MTMR3: variants seen among roughly 807,000 people sequenced by gnomAD.
MTMR3 encodes phosphatidylinositol-3,5-bisphosphate 3-phosphatase MTMR3.
In MTMR3, 32 loss-of-function variants were observed where a neutral mutation model predicts 132.4. That is an observed-to-expected ratio of 0.24 (90% CI 0.18 to 0.32). The LOEUF (loss-of-function observed/expected upper bound fraction) is 0.32, where lower values mean the gene tolerates loss of function less well. Ranked by LOEUF, MTMR3 falls within the 10% of genes least tolerant of loss-of-function variation. The pLI is 1.00. For missense variants in MTMR3, 1,216 were observed against 1,489.6 expected, an observed-to-expected ratio of 0.82 and a Z score of 3.02; for synonymous variants, 556 against 550.3, an observed-to-expected ratio of 1.01 and a Z score of -0.14.
chr22:29,915,373 C>T (rs552665897), intron 1 of MTMR3, among the ~76,000 whole-genome samples: 5 of 152,222 alleles, frequency 3.3e-5, no homozygotes, highest in African/African-American at 1.2e-4. Flanking sequence ...GTGATTAGCA[C>T]ATAGTTAGGT....
At chr22:29,972,639 C>T (rs1403034866) in intron 3 of MTMR3, among the ~76,000 whole-genome samples, 3 of 152,136 alleles carry the variant, frequency 2.0e-5, no homozygotes, top group African/African-American at 7.2e-5. Flanking sequence ...GGTGCGATCT[C>T]GGCTCACTGC....
At chr22:29,976,443 A>T (rs924997726) in intron 3 of MTMR3, among the ~76,000 whole-genome samples, 3 of 152,218 alleles carry the variant, frequency 2.0e-5, no homozygotes, top group African/African-American at 7.2e-5. Flanking sequence ...AAGCATTTGC[A>T]CAAGTGCTTT....
intron 1 of MTMR3, among the ~76,000 whole-genome samples, chr22:29,906,934 C>T (rs111490516): frequency 0.037 from 5,611 of 151,394 alleles, 364 homozygotes; most frequent in African/African-American, 0.13. Flanking sequence ...AAAAATTAGC[C>T]GGGCATGGTG....
chr22:29,912,741 C>T (rs1349012529), intron 1 of MTMR3, among the ~76,000 whole-genome samples: 1 of 152,152 alleles, frequency 6.6e-6, no homozygotes, highest in Non-Finnish European at 1.5e-5. Flanking sequence ...TGTGTAGGAG[C>T]TGCAGAGAAT....
At chr22:30,023,587 C>T in intron 19 of MTMR3, 1 of 1,434,908 alleles carries the variant, frequency 7.0e-7, no homozygotes, top group South Asian at 1.1e-5. Flanking sequence ...AGGGTGAAGC[C>T]TGGGGCCTTG....
chr22:29,896,660 TA>T (rs923991616), intron 1 of MTMR3, among the ~76,000 whole-genome samples: 26 of 149,948 alleles, frequency 1.7e-4, no homozygotes, highest in African/African-American at 5.9e-4. Context: ...TTCCATAGTC[TA>T]AAAAAAAAGC....
At chr22:29,998,230 A>G (rs1022789156) in intron 7 of MTMR3, 5 of 152,344 alleles carry the variant, frequency 3.3e-5, no homozygotes, top group African/African-American at 1.2e-4. Context: ...TAGATGAGAT[A>G]ACATAACTCT....
At position 30,025,728 on chromosome 22, in the gene MTMR3, A is replaced by C. The variant is rs778486820; in HGVS notation, c.3524A>C (p.Tyr1175Ser). ...CCCAGTCGAGTATGCAAGTCTTGCT[A>C]TAGCAGCCTACATCCCACAAGCTCC... ...FEPSRVCKSC[Y>S]SSLHPTSSSI... Residue 1175 changes from tyrosine (Y) to serine (S), a missense_variant, in exon 20 of 20, where the codon TAT becomes TCT. This residue lies in a region of MTMR3 where 852 missense variants were observed against 852.0 expected (regional missense o/e 1.00). Coordinates refer to ENST00000401950, the MANE Select transcript of MTMR3 (RefSeq NM_021090.4). The C allele has an allele frequency of 3.1e-6, 5 of 1,614,204 alleles. No individual in the cohort carries two copies. In the East Asian group the frequency reaches 1.1e-4, roughly 36 times the overall value.
intron 1 of MTMR3, among the ~76,000 whole-genome samples, chr22:29,887,290 C>T (rs1214297167): frequency 2.6e-5 from 4 of 152,164 alleles, no homozygotes; most frequent in Admixed American, 1.3e-4. Context: ...CCCCTGAGCT[C>T]CAGTTCCCTC....
In MTMR3 at chr22:30,020,186, G is replaced by A; in HGVS notation, c.2527G>A (p.Asp843Asn). Residue 843 changes from aspartate to asparagine, a missense_variant, in exon 17 of 20, where the codon GAC (aspartate) becomes AAC (asparagine). Physicochemically the swap from Asp to Asn is conservative, Grantham distance 23. This residue lies in a region of MTMR3 where 852 missense variants were observed against 852.0 expected (regional missense o/e 1.00). Coordinates refer to ENST00000401950, the MANE Select transcript of MTMR3 (RefSeq NM_021090.4). The part of the protein sequence containing the change: ...VPFETRGPNV[D>N]SSTDMLVEDK... ...TTTTGAGACCAGAGGACCAAACGTGGACAGTTCTACAGACATGTTAGTGGA... is the reference window on the plus strand; with the variant it reads ...TTTTGAGACCAGAGGACCAAACGTGAACAGTTCTACAGACATGTTAGTGGA... The A allele has an allele frequency of 1.2e-6, 2 of 1,614,204 alleles. No homozygotes were observed. Among genetic ancestry groups the A allele is most frequent in the Non-Finnish European group, 1.7e-6 (2 of 1,180,044 alleles).
At chr22:29,894,458 A>G (rs979231524) in intron 1 of MTMR3, among the ~76,000 whole-genome samples, 23 of 151,306 alleles carry the variant, frequency 1.5e-4, no homozygotes, top group Admixed American at 6.6e-4. Context: ...GTTTCTATGC[A>G]CTCTGTAAAC....
chr22:29,911,015 T>C (rs73396848), intron 1 of MTMR3, among the ~76,000 whole-genome samples: 4,134 of 152,260 alleles, frequency 0.027, 191 homozygotes, highest in African/African-American at 0.096. Flanking sequence ...ATTATACTAG[T>C]AAAAGGAATA....
intron 1 of MTMR3, among the ~76,000 whole-genome samples, chr22:29,891,177 T>C (rs1292884410): frequency 1.3e-5 from 2 of 152,018 alleles, no homozygotes. Context: ...AATATATGTA[T>C]AGTAACTGAT....
chr22:29,933,769 C>G (rs1569011488), intron 1 of MTMR3, among the ~76,000 whole-genome samples: 1 of 146,240 alleles, frequency 6.8e-6, no homozygotes, highest in Non-Finnish European at 1.5e-5. Flanking sequence ...CTGGGTCTCA[C>G]TGTGTTGCCC....
chr22:29,982,640 T>C (rs1244377816), intron 5 of MTMR3: 3 of 152,190 alleles, frequency 2.0e-5, no homozygotes, highest in African/African-American at 7.2e-5. Context: ...AAGTTTTAAA[T>C]AGCTACCTGA....
intron 3 of MTMR3, among the ~76,000 whole-genome samples, chr22:29,971,477 G>T (rs2066534761): frequency 1.3e-5 from 2 of 151,930 alleles, no homozygotes; most frequent in Non-Finnish European, 2.9e-5. Context: ...TTTTTAAATT[G>T]ACAAATTACA....
At position 30,029,109 on chromosome 22, in the gene MTMR3, G is replaced by C. The variant is rs140244836; in HGVS notation, c.*3308G>C. 23 of 152,494 alleles carry C rather than the reference G, an allele frequency of 1.5e-4. No homozygotes were observed. The highest frequency in any genetic ancestry group is 5.5e-4 in the African/African-American group (23 of 41,568). 9.4% of individuals were successfully genotyped at this position (152,494 alleles called of 1,614,324 possible). ...CAGTGAGGATCCAAGGCAAGGAATT[G>C]CCCTGAGGGAGGTGGCTGCATATGG... On this transcript the variant is annotated 3_prime_UTR_variant, in exon 20 of 20. Transcript: ENST00000401950.
Position 29,892,436 on chromosome 22 carries a change from T to G in MTMR3, c.-138+9077T>G, listed in dbSNP as rs555403682. On this transcript the variant is annotated intron_variant, in intron 1 of 19. Transcript: ENST00000401950. ...TTAGGTCCTAGAGACTGAGTGAAGGTATGAATAATTGCTACTTGCTCTCCT... is the reference window on the plus strand; with the variant it reads ...TTAGGTCCTAGAGACTGAGTGAAGGGATGAATAATTGCTACTTGCTCTCCT... 4.5e-3 allele frequency among the ~76,000 whole-genome samples: 681 copies of G among 152,304 alleles called. 6 individuals are homozygous for G. Among genetic ancestry groups the G allele is most frequent in the African/African-American group, 0.015 (643 of 41,566 alleles).
At position 30,029,558 on chromosome 22, in the gene MTMR3, G is replaced by C. The variant is rs986318244; in HGVS notation, c.*3757G>C. ...ATTAAAGGCATATCCTGATATACTT[G>C]CCTGCTTGCACATGAGGCTGGGAGA... is the stretch of plus-strand genomic sequence containing the variant. On this transcript the variant is annotated 3_prime_UTR_variant, in exon 20 of 20. Coordinates refer to ENST00000401950, the MANE Select transcript of MTMR3 (RefSeq NM_021090.4). The C allele has an allele frequency of 6.6e-6, 1 of 152,354 alleles. No homozygotes were observed. Among genetic ancestry groups the C allele is most frequent in the African/African-American group, 2.4e-5 (1 of 41,452 alleles). 9.4% of individuals were successfully genotyped at this position (152,354 alleles called of 1,614,324 possible).
Sources: gnomAD v4.1 joint callset for allele counts (sites outside exome capture counted in the v4.1 genomes callset) on GRCh38, gnomAD v4.1.1 for gene constraint, gnomAD v4.1.1 regional missense constraint, MANE v1.5 for transcripts, NCBI Gene and HGNC (gene_info 2026-07-23, HGNC 2026-07-21) for gene names.